WWOX: variants seen among roughly 807,000 people sequenced by gnomAD.
The protein encoded by WWOX is WW domain-containing oxidoreductase.
In WWOX, 69 loss-of-function variants were observed where a neutral mutation model predicts 46.2. The observed-to-expected ratio is 1.49, with a 90% CI of 1.23 to 1.82. WWOX has a LOEUF of 1.82. WWOX is among the 40% of genes most tolerant of loss of function. WWOX has a pLI of 0.00. For missense variants in WWOX, 919 were observed against 542.6 expected, an observed-to-expected ratio of 1.69 and a Z score of -6.89; for synonymous variants, 359 against 202.6, an observed-to-expected ratio of 1.77 and a Z score of -6.56.
intron 8 of WWOX, among the ~76,000 whole-genome samples, chr16:78,672,391 A>G (rs1041528092): frequency 2.0e-5 from 3 of 152,178 alleles, no homozygotes; most frequent in East Asian, 1.9e-4. Context: ...ACATACATTG[A>G]AGACACCAGA....
intron 8 of WWOX, among the ~76,000 whole-genome samples, chr16:78,708,672 C>G (rs1241147138): frequency 1.3e-5 from 2 of 152,204 alleles, no homozygotes; most frequent in African/African-American, 4.8e-5. Flanking sequence ...GGGATTAGAA[C>G]CCAGTGAGTT....
At chr16:79,052,002 C>T (rs762020036) in intron 8 of WWOX, among the ~76,000 whole-genome samples, 4 of 151,716 alleles carry the variant, frequency 2.6e-5, no homozygotes, top group Non-Finnish European at 5.9e-5. Flanking sequence ...CCTTTGTTCT[C>T]CTCTGCCTTT....
chr16:78,694,502 C>T (rs549420041), intron 8 of WWOX, among the ~76,000 whole-genome samples: 1 of 152,220 alleles, frequency 6.6e-6, no homozygotes, highest in East Asian at 1.9e-4. Flanking sequence ...CTCCAGTATC[C>T]ATTTGAAATT....
rs1046573871 is a variant in WWOX, at chr16:79,210,631, T to C, written c.1057-977T>C. On this transcript the variant is annotated intron_variant, in intron 8 of 8. Coordinates refer to ENST00000566780, the MANE Select transcript of WWOX (RefSeq NM_016373.4). ...GGGCTCTGAAACACATAAATAATCATAAGATGCCAGATAAACTGTATTGGT... is the reference window on the plus strand; with the variant it reads ...GGGCTCTGAAACACATAAATAATCACAAGATGCCAGATAAACTGTATTGGT... 8.5e-5 allele frequency among the ~76,000 whole-genome samples: 13 copies of C among 152,236 alleles called. No homozygotes were observed. The South Asian group carries it at 1.5e-3, about 17-fold the overall frequency.
intron 8 of WWOX, among the ~76,000 whole-genome samples, chr16:78,794,459 T>C (rs2050686843): frequency 6.6e-6 from 1 of 152,238 alleles, no homozygotes; most frequent in Admixed American, 6.5e-5. Context: ...CAAAAGACTA[T>C]GACAAATCCT....
At chr16:78,470,499 T>C (rs544478712) in intron 8 of WWOX, among the ~76,000 whole-genome samples, 2 of 152,182 alleles carry the variant, frequency 1.3e-5, no homozygotes, top group Admixed American at 1.3e-4. Flanking sequence ...CCCACTCTTT[T>C]ATTTTCATGT....
intron 8 of WWOX, among the ~76,000 whole-genome samples, chr16:78,743,649 A>C (rs2049282296): frequency 6.6e-6 from 1 of 152,170 alleles, no homozygotes; most frequent in Non-Finnish European, 1.5e-5. Flanking sequence ...CAGATGGAAA[A>C]TTGAAAGTAC....
At chr16:79,027,436 C>T (rs2047668139) in intron 8 of WWOX, among the ~76,000 whole-genome samples, 1 of 151,664 alleles carries the variant, frequency 6.6e-6, no homozygotes, top group South Asian at 2.1e-4. Context: ...GGCCTCCCTG[C>T]CTCCCATTTT....
chr16:78,225,000 A>G (rs1489746337), intron 5 of WWOX, among the ~76,000 whole-genome samples: 1 of 152,242 alleles, frequency 6.6e-6, no homozygotes, highest in African/African-American at 2.4e-5. Context: ...TTAAATGTTC[A>G]AGACATTAAC....
At chr16:78,196,101 T>C (rs1169730209) in intron 5 of WWOX, among the ~76,000 whole-genome samples, 1 of 152,204 alleles carries the variant, frequency 6.6e-6, no homozygotes, top group African/African-American at 2.4e-5. Context: ...TTTCTGCAGA[T>C]GATCAAGTGG....
chr16:78,202,164 C>T (rs901314055), intron 5 of WWOX, among the ~76,000 whole-genome samples: 2 of 152,198 alleles, frequency 1.3e-5, no homozygotes, highest in Non-Finnish European at 2.9e-5. Flanking sequence ...TCCCCACAAA[C>T]CTAGTTGATT....
intron 8 of WWOX, among the ~76,000 whole-genome samples, chr16:78,930,497 C>T (rs769358041): frequency 1.9e-4 from 27 of 143,936 alleles, no homozygotes; most frequent in Non-Finnish European, 3.7e-4. Context: ...CACCATGTTG[C>T]CCAGGCTGGT....
In WWOX at chr16:78,842,298, A is replaced by G. The variant is rs866339014; in HGVS notation, c.1057-369310A>G. Among the ~76,000 whole-genome samples, 192 of 151,218 alleles carry G rather than the reference A, an allele frequency of 1.3e-3. 3 individuals are homozygous for G. Among genetic ancestry groups the G allele is most frequent in the Middle Eastern group, 6.9e-3 (2 of 290 alleles). On this transcript the variant is annotated intron_variant, in intron 8 of 8. Coordinates refer to ENST00000566780, the MANE Select transcript of WWOX (RefSeq NM_016373.4). ...TGCTTGAGGCCAAGAATTTGAGACC[A>G]GTCTGGGCAACATAGGCAGACCCCA...
chr16:78,287,193 G>GT (rs370090760), intron 5 of WWOX, among the ~76,000 whole-genome samples: 130 of 152,344 alleles, frequency 8.5e-4, no homozygotes, highest in African/African-American at 3.0e-3. Flanking sequence ...CTCCACTTTA[G>GT]TAAATGAGGC....
chr16:79,120,556 C>T (rs1378563393), intron 8 of WWOX, among the ~76,000 whole-genome samples: 1 of 152,172 alleles, frequency 6.6e-6, no homozygotes, highest in Non-Finnish European at 1.5e-5. Context: ...TGACGTAAAA[C>T]AGCAGAGATA....
At chr16:78,884,104 C>T (rs1255529980) in intron 8 of WWOX, among the ~76,000 whole-genome samples, 1 of 151,682 alleles carries the variant, frequency 6.6e-6, no homozygotes, top group East Asian at 2.0e-4. Context: ...CATGGTGAAA[C>T]CCTGTCTCTA....
chr16:78,961,252 G>A (rs908137340), intron 8 of WWOX, among the ~76,000 whole-genome samples: 28 of 152,184 alleles, frequency 1.8e-4, no homozygotes, highest in African/African-American at 6.5e-4. Context: ...GGAAATTACT[G>A]TAAGGTTTTT....
intron 8 of WWOX, among the ~76,000 whole-genome samples, chr16:78,504,650 G>A (rs1398712143): frequency 3.9e-5 from 6 of 152,084 alleles, no homozygotes; most frequent in Non-Finnish European, 2.9e-5. Flanking sequence ...AATATGACTC[G>A]GTTTATCCTG....
intron 8 of WWOX, among the ~76,000 whole-genome samples, chr16:78,812,829 T>G (rs2051226258): frequency 6.6e-6 from 1 of 152,232 alleles, no homozygotes; most frequent in Admixed American, 6.5e-5. Context: ...GTGTTATAAG[T>G]TTTCAAACTT....
Sources: gnomAD v4.1 joint callset for allele counts (sites outside exome capture counted in the v4.1 genomes callset) on GRCh38, gnomAD v4.1.1 for gene constraint, MANE v1.5 for transcripts, NCBI Gene and HGNC (gene_info 2026-07-23, HGNC 2026-07-21) for gene names.